POLQ: variants seen among roughly 807,000 people sequenced by gnomAD.
The protein encoded by POLQ is DNA polymerase theta.
Under a neutral mutation model 259.2 loss-of-function variants are expected in POLQ, and 233 were observed. The ratio of observed to expected loss-of-function variants is 0.90; its 90% CI spans 0.81 to 1.00. POLQ has a LOEUF of 1.00. Ranked by LOEUF, POLQ falls within the 50% of genes least tolerant of loss-of-function variation. The pLI is 0.00. For synonymous variants in POLQ, 1,025 were observed against 1,048.8 expected, an observed-to-expected ratio of 0.98 and a Z score of 0.44; for missense variants, 2,871 against 3,051.6, an observed-to-expected ratio of 0.94 and a Z score of 1.39.
At chr3:121,492,319 A>G (rs958069941) in intron 15 of POLQ, among the ~76,000 whole-genome samples, 1 of 152,212 alleles carries the variant, frequency 6.6e-6, no homozygotes, top group Non-Finnish European at 1.5e-5. Flanking sequence ...TATAAGACTG[A>G]GTTCAAAAAA....
chr3:121,503,463 G>A (rs1037116508), intron 12 of POLQ, among the ~76,000 whole-genome samples: 5 of 152,164 alleles, frequency 3.3e-5, no homozygotes, highest in Admixed American at 6.5e-5. Flanking sequence ...TGAGAATACC[G>A]ACTGTAGTTG....
chr3:121,545,232 A>T (rs1008305280), intron 1 of POLQ, among the ~76,000 whole-genome samples: 1 of 152,150 alleles, frequency 6.6e-6, no homozygotes, highest in African/African-American at 2.4e-5. Flanking sequence ...GTGAGTTTCT[A>T]TTTATAGTAA....
intron 19 of POLQ, 30 bp downstream of exon 19, chr3:121,481,542 A>T: frequency 3.2e-6 from 5 of 1,556,784 alleles, no homozygotes; most frequent in Non-Finnish European, 4.3e-6. Flanking sequence ...CTAATCTATA[A>T]CATAAAAATG....
chr3:121,501,136 G>A (rs1005039412), intron 12 of POLQ, among the ~76,000 whole-genome samples: 2 of 151,658 alleles, frequency 1.3e-5, no homozygotes, highest in Non-Finnish European at 2.9e-5. Flanking sequence ...GCTAATTTTT[G>A]TATTTTTCTG....
At chr3:121,459,904 C>T in intron 25 of POLQ, 146 bp downstream of exon 25, 2 of 636,676 alleles carry the variant, frequency 3.1e-6, no homozygotes, top group Non-Finnish European at 2.8e-6. Context: ...TAATGAATAC[C>T]ATGAGATAAG....
chr3:121,543,678 A>G (rs1191559623), intron 2 of POLQ, among the ~76,000 whole-genome samples: 17 of 152,210 alleles, frequency 1.1e-4, no homozygotes, highest in Admixed American at 1.1e-3. Flanking sequence ...TGTATGCCAT[A>G]GTTGCCCATG....
chr3:121,485,716 T>A (rs540531620), intron 16 of POLQ, among the ~76,000 whole-genome samples: 13 of 152,238 alleles, frequency 8.5e-5, no homozygotes, highest in Admixed American at 7.9e-4. Flanking sequence ...TAGTACATAT[T>A]TATTAAATTT....
intron 12 of POLQ, among the ~76,000 whole-genome samples, chr3:121,501,371 A>G (rs1248549618): frequency 6.7e-6 from 1 of 150,310 alleles, no homozygotes; most frequent in African/African-American, 2.4e-5. Flanking sequence ...TTTTATAAGA[A>G]ATGCTAGGCC....
chr3:121,526,390 C>T (rs984923727), intron 7 of POLQ, among the ~76,000 whole-genome samples: 2 of 152,130 alleles, frequency 1.3e-5, no homozygotes, highest in African/African-American at 4.8e-5. Flanking sequence ...CATGAGTAGT[C>T]CTGATCATAA....
rs753253753 is a variant in POLQ, at chr3:121,493,711, T to G, written c.2289A>C (p.Thr763=). 3.7e-6 allele frequency: 6 copies of G among 1,613,302 alleles called. No homozygotes were observed. Among genetic ancestry groups the G allele is most frequent in the Non-Finnish European group, 5.1e-6 (6 of 1,179,284 alleles). The change falls in exon 15 of 30, where the codon ACA becomes ACC. Residue 763 remains threonine, a synonymous_variant. Transcript: ENST00000264233. ...QSAAVYAGMI[T]VFSNRLGWHN... Reference sequence around the variant, plus strand: ...GCCAGCCCAGACGGTTGGAAAATACTGTAATCATCCCTAGAACATTCATAG... The same window carrying G: ...GCCAGCCCAGACGGTTGGAAAATACGGTAATCATCCCTAGAACATTCATAG...
At position 121,487,707 on chromosome 3, in the gene POLQ, T is replaced by C. The variant is rs753765306; in HGVS notation, c.5224A>G (p.Thr1742Ala). ...NGLIPPTPIP[T>A]SASKLTFPGI... ...GGAAATGTCAGCTTAGAAGCAGATG[T>C]TGGAATGGGTGTAGGAGGAATGAGA... The change falls in exon 16 of 30, where the codon ACA becomes GCA. Residue 1742 changes from threonine (T) to alanine (A), a missense_variant. By Grantham distance (58) the Thr-to-Ala change is moderately conservative. This residue lies in a region of POLQ where 2,080 missense variants were observed against 2,126.0 expected (regional missense o/e 0.98). Coordinates refer to ENST00000264233, the MANE Select transcript of POLQ (RefSeq NM_199420.4). The C allele has an allele frequency of 1.9e-6, 3 of 1,613,984 alleles. No homozygotes were observed. The highest frequency in any genetic ancestry group is 2.2e-5 in the South Asian group (2 of 91,084).
intron 15 of POLQ, among the ~76,000 whole-genome samples, chr3:121,491,346 C>CAAAAAAAAAAA (rs3045625): frequency 2.6e-4 from 20 of 77,980 alleles, no homozygotes; most frequent in Admixed American, 3.7e-4. Context: ...GAGACTGTCA[C>CAAAAAAAAAAA]AAAAAAAAAA....
intron 29 of POLQ, among the ~76,000 whole-genome samples, chr3:121,432,664 G>A (rs1049943654): frequency 6.6e-6 from 1 of 152,168 alleles, no homozygotes; most frequent in Admixed American, 6.5e-5. Flanking sequence ...AAACCCTAAG[G>A]GAAAGACTCC....
chr3:121,519,449 G>T lies in POLQ; in HGVS notation c.1468+422C>A, dbSNP rs541471769. On this transcript the variant is annotated intron_variant, in intron 9 of 29. Coordinates refer to ENST00000264233, the MANE Select transcript of POLQ (RefSeq NM_199420.4). ...CCAGCACTTTGGGAGGCCGAGGCAG[G>T]CGGATCACGAGGCCAGGAGATCGAG... 1.3e-5 allele frequency among the ~76,000 whole-genome samples: 2 copies of T among 148,696 alleles called. 1 individual carries two copies. Among genetic ancestry groups the T allele is most frequent in the South Asian group, 4.2e-4 (2 of 4,732 alleles).
chr3:121,434,188 C>T (rs1031645179), intron 28 of POLQ, among the ~76,000 whole-genome samples: 8 of 152,232 alleles, frequency 5.3e-5, no homozygotes, highest in African/African-American at 1.7e-4. Flanking sequence ...CCATGATGCT[C>T]TTGTTCCCCA....
intron 7 of POLQ, among the ~76,000 whole-genome samples, chr3:121,524,789 A>T (rs115169860): frequency 7.2e-5 from 11 of 152,142 alleles, no homozygotes; most frequent in Non-Finnish European, 5.9e-5. Context: ...CTAGGTGTTG[A>T]TTATATTATG....
At chr3:121,448,786 G>T (rs1285906971) in intron 26 of POLQ, among the ~76,000 whole-genome samples, 1 of 152,098 alleles carries the variant, frequency 6.6e-6, no homozygotes, top group African/African-American at 2.4e-5. Context: ...CTTGGTTGTG[G>T]TGTAAATTTT....
In POLQ at chr3:121,510,232, A is replaced by G. The variant is rs1305912047; in HGVS notation, c.1623T>C (p.Gly541=). ...TATCTTGTGATGTACTTGCCACTCC[A>G]CCAACTATTATCTGAAAGAAGATAT... ...MIRAILEIIV[G]GVASTSQDMH... Residue 541 remains glycine (G), a synonymous_variant, in exon 11 of 30, where the codon GGT becomes GGC. Transcript: ENST00000264233. The G allele has an allele frequency of 6.2e-7, 1 of 1,609,622 alleles. No homozygotes were observed. The highest frequency in any genetic ancestry group is 1.7e-5 in the Admixed American group (1 of 59,928).
chr3:121,502,028 C>G (rs966617554), intron 12 of POLQ, among the ~76,000 whole-genome samples: 1 of 150,528 alleles, frequency 6.6e-6, no homozygotes, highest in Admixed American at 6.6e-5. Flanking sequence ...CTAAAGAAAG[C>G]TCTTCAGGTT....
Sources: allele counts gnomAD v4.1 joint callset (sites outside exome capture counted in the v4.1 genomes callset), GRCh38; gene constraint gnomAD v4.1.1; regional missense constraint gnomAD v4.1.1; transcripts MANE v1.5; gene names NCBI Gene and HGNC (gene_info 2026-07-23, HGNC 2026-07-21).